The following PTPRR variants were observed in gnomAD, a reference collection of about 807,000 sequenced individuals.
PTPRR encodes the protein receptor-type tyrosine-protein phosphatase R.
Under a neutral mutation model 77.2 loss-of-function variants are expected in PTPRR, and 38 were observed. The ratio of observed to expected loss-of-function variants is 0.49; its 90% CI spans 0.38 to 0.65. The LOEUF (loss-of-function observed/expected upper bound fraction) is 0.65, where lower values mean the gene tolerates loss of function less well. PTPRR is among the 30% of genes least tolerant of loss of function. PTPRR has a pLI of 0.00. For synonymous variants in PTPRR, 299 were observed against 283.1 expected, an observed-to-expected ratio of 1.06 and a Z score of -0.57; for missense variants, 744 against 799.2, an observed-to-expected ratio of 0.93 and a Z score of 0.83.
Position 70,761,623 on chromosome 12 carries a change from T to G in PTPRR, c.475A>C (p.Lys159Gln). 1 of 1,558,392 alleles carries G rather than the reference T, an allele frequency of 6.4e-7. No individual in the cohort carries two copies. Among genetic ancestry groups the G allele is most frequent in the Non-Finnish European group, 8.7e-7 (1 of 1,152,048 alleles). Reference sequence around the variant, plus strand: ...ACAAACAGTTCAATACTGTTCTTCTTTCCCTAATAAAAGCAGAATATTTGT... The same window carrying G: ...ACAAACAGTTCAATACTGTTCTTCTGTCCCTAATAAAAGCAGAATATTTGT... ...QQVHINRLIG[K>Q]KNSIELFVSP... Residue 159 changes from lysine (K) to glutamine (Q), a missense_variant, in exon 4 of 14, where the codon AAG becomes CAG. Physicochemically the swap from Lys to Gln is moderately conservative, Grantham distance 53 (BLOSUM62 1). Transcript: ENST00000283228.
intron 2 of PTPRR, among the ~76,000 whole-genome samples, chr12:70,867,588 T>C (rs1309720045): frequency 1.3e-5 from 2 of 151,382 alleles, no homozygotes; most frequent in African/African-American, 4.8e-5. Context: ...GAAGAATCAA[T>C]ATCGTGAAAA....
At chr12:70,705,946 A>G (rs1052478341) in intron 6 of PTPRR, among the ~76,000 whole-genome samples, 1 of 151,782 alleles carries the variant, frequency 6.6e-6, no homozygotes, top group African/African-American at 2.4e-5. Flanking sequence ...GTGACCTTAA[A>G]CCCTCTCACC....
At chr12:70,899,731 A>G (rs1296409972) in intron 1 of PTPRR, among the ~76,000 whole-genome samples, 1 of 151,372 alleles carries the variant, frequency 6.6e-6, no homozygotes, top group Non-Finnish European at 1.5e-5. Context: ...AAAGAAAAGG[A>G]GCAAAAGACA....
intron 6 of PTPRR, among the ~76,000 whole-genome samples, chr12:70,744,333 A>G (rs1890145144): frequency 6.6e-6 from 1 of 152,130 alleles, no homozygotes; most frequent in Admixed American, 6.5e-5. Context: ...ACACTGAATC[A>G]CAAAAAGCAA....
intron 2 of PTPRR, among the ~76,000 whole-genome samples, chr12:70,832,285 T>A (rs1892226639): frequency 6.6e-6 from 1 of 152,230 alleles, no homozygotes; most frequent in African/African-American, 2.4e-5. Flanking sequence ...CCCAAAGCTC[T>A]GCCCAATTTT....
At chr12:70,839,640 T>C (rs1475147635) in intron 2 of PTPRR, among the ~76,000 whole-genome samples, 1 of 152,166 alleles carries the variant, frequency 6.6e-6, no homozygotes, top group Non-Finnish European at 1.5e-5. Context: ...AGAACACCCA[T>C]AGAGAGCAAG....
intron 13 of PTPRR, among the ~76,000 whole-genome samples, chr12:70,644,514 G>T (rs1326473038): frequency 2.6e-5 from 4 of 152,114 alleles, no homozygotes; most frequent in Non-Finnish European, 5.9e-5. Flanking sequence ...CACAATCTCT[G>T]CAGTGCTCAG....
intron 5 of PTPRR, among the ~76,000 whole-genome samples, chr12:70,747,508 C>T (rs1294375398): frequency 1.3e-5 from 2 of 152,142 alleles, no homozygotes; most frequent in South Asian, 4.1e-4. Context: ...TATGAATCAA[C>T]AACGAAAATG....
chr12:70,892,861 G>A lies in PTPRR; in HGVS notation c.175C>T (p.Gln59Ter). The change falls in exon 2 of 14, where the codon CAA becomes TAA. Residue 59 changes from glutamine (Q) to a stop codon, truncating the protein, a stop_gained. Transcript: ENST00000283228. LOFTEE classifies it high-confidence loss of function. ...TGGTAGCTATGTCTGTAGATTTTTTGTGGGGCTATATCCAGGCTCTTCTCA... is the reference window on the plus strand; with the variant it reads ...TGGTAGCTATGTCTGTAGATTTTTTATGGGGCTATATCCAGGCTCTTCTCA... ...DIEKSLDIAP[Q>*]KIYRHSYHSS... The A allele has an allele frequency of 1.2e-6, 2 of 1,613,524 alleles. No homozygotes were observed. Among genetic ancestry groups the A allele is most frequent in the Non-Finnish European group, 1.7e-6 (2 of 1,179,600 alleles).
intron 6 of PTPRR, among the ~76,000 whole-genome samples, chr12:70,736,226 G>C (rs1018296184): frequency 6.6e-6 from 1 of 152,124 alleles, no homozygotes; most frequent in African/African-American, 2.4e-5. Flanking sequence ...CAGTGAAATG[G>C]TTATCTGTCA....
At chr12:70,765,939 C>T (rs1033722519) in intron 2 of PTPRR, among the ~76,000 whole-genome samples, 1 of 152,180 alleles carries the variant, frequency 6.6e-6, no homozygotes, top group African/African-American at 2.4e-5. Context: ...TCCAACAGAC[C>T]TGCAGCTGAG....
At chr12:70,823,639 T>C (rs909132386) in intron 2 of PTPRR, among the ~76,000 whole-genome samples, 5 of 152,032 alleles carry the variant, frequency 3.3e-5, no homozygotes, top group African/African-American at 9.7e-5. Flanking sequence ...GTTCCTGCAG[T>C]GTGGGGCAGC....
At chr12:70,861,077 G>A (rs968909738) in intron 2 of PTPRR, among the ~76,000 whole-genome samples, 15 of 152,080 alleles carry the variant, frequency 9.9e-5, no homozygotes, top group African/African-American at 1.4e-4. Context: ...TGCTTAGAAC[G>A]TAAAAATGCT....
chr12:70,767,693 C>G (rs546322295), intron 2 of PTPRR, among the ~76,000 whole-genome samples: 1 of 152,294 alleles, frequency 6.6e-6, no homozygotes, highest in East Asian at 1.9e-4. Context: ...ATTCTCCATC[C>G]CAAATCAACA....
intron 2 of PTPRR, among the ~76,000 whole-genome samples, chr12:70,778,154 C>T (rs1891129611): frequency 1.3e-5 from 2 of 152,116 alleles, no homozygotes; most frequent in South Asian, 4.1e-4. Context: ...GTGCTTTTAA[C>T]AATAAATAAC....
At chr12:70,681,538 G>T (rs969079588) in intron 10 of PTPRR, among the ~76,000 whole-genome samples, 3 of 152,180 alleles carry the variant, frequency 2.0e-5, no homozygotes, top group Non-Finnish European at 2.9e-5. Context: ...GGGAGATGGC[G>T]GTGTGGCAGA....
intron 6 of PTPRR, among the ~76,000 whole-genome samples, chr12:70,733,132 G>C (rs73132548): frequency 0.016 from 2,428 of 152,020 alleles, 26 homozygotes; most frequent in Non-Finnish European, 0.022. Context: ...GGAAAAAAAG[G>C]TTTCCTTAAA....
chr12:70,691,000 A>G (rs139101905), intron 8 of PTPRR, among the ~76,000 whole-genome samples: 79 of 152,248 alleles, frequency 5.2e-4, no homozygotes, highest in African/African-American at 1.6e-3. Flanking sequence ...TACTGCACTG[A>G]TTTAAAGATC....
chr12:70,771,007 G>C (rs1452041468), intron 2 of PTPRR, among the ~76,000 whole-genome samples: 1 of 124,536 alleles, frequency 8.0e-6, no homozygotes, highest in African/African-American at 3.0e-5. Context: ...ACTGTTGTGG[G>C]GTGGGGGGAG....
Sources: allele counts gnomAD v4.1 joint callset (sites outside exome capture counted in the v4.1 genomes callset), GRCh38; gene constraint gnomAD v4.1.1; transcripts MANE v1.5; gene names NCBI Gene and HGNC (gene_info 2026-07-23, HGNC 2026-07-21).